Variants in C1QTNF5 observed in about 807,000 individuals in gnomAD.
The protein encoded by C1QTNF5 is C1q and TNF related 5, also known as complement C1q tumor necrosis factor-related protein 5.
C1QTNF5 carries 5 observed loss-of-function variants against 10.9 expected under a neutral mutation model. The ratio of observed to expected loss-of-function variants is 0.46; its 90% CI spans 0.24 to 0.97. The LOEUF (loss-of-function observed/expected upper bound fraction) is 0.97. Ranked by LOEUF, C1QTNF5 falls within the 50% of genes least tolerant of loss-of-function variation. The probability of loss-of-function intolerance (pLI) is 0.19; values close to 1 mark genes in which losing one functional copy is unlikely to be tolerated. For synonymous variants in C1QTNF5, 161 were observed against 156.5 expected (o/e 1.03, Z -0.22); for missense variants, 281 against 339.4 (o/e 0.83, Z 1.35).
At chr11:119,342,108 AGAG>A (rs1950508868), upstream of C1QTNF5, 9 of 1,176,358 alleles carry the variant, frequency 7.7e-6, no homozygotes, top group Admixed American at 1.8e-4. Flanking sequence ...TGAGGAAGCA[AGAG>A]GATAACAAAG....
upstream of C1QTNF5, chr11:119,345,661 G>A (rs753849316): frequency 1.2e-6 from 2 of 1,612,832 alleles, no homozygotes; most frequent in South Asian, 1.1e-5. Flanking sequence ...AGAGTTCAGA[G>A]GTCAAAAGGA....
At chr11:119,345,233 G>A (rs1422160283), upstream of C1QTNF5, among the ~76,000 whole-genome samples, 2 of 152,208 alleles carry the variant, frequency 1.3e-5, no homozygotes, top group African/African-American at 4.8e-5. Context: ...TTACAGACTA[G>A]GAAACAGGTG....
the C1QTNF5 span, chr11:119,346,250 G>T: frequency 6.3e-7 from 1 of 1,597,410 alleles, no homozygotes; most frequent in African/African-American, 1.3e-5. Context: ...TCCTCCCCCA[G>T]GTCACCCCCT....
chr11:119,340,248 A>G lies in C1QTNF5; in HGVS notation c.150T>C (p.Asp50=), dbSNP rs1950488203. The change falls in exon 2 of 3, where the codon GAT becomes GAC. Residue 50 remains aspartate, a synonymous_variant. Coordinates refer to ENST00000528368, the MANE Select transcript of C1QTNF5 (RefSeq NM_001278431.2). ...HHGSQGLPGR[D]GRDGRDGAPG... ...GCGCGCCGTCGCGGCCGTCGCGGCC[A>G]TCGCGGCCCGGCAAGCCCTGGCTGC... 15 of 1,514,924 alleles carry G rather than the reference A, an allele frequency of 9.9e-6. No individual in the cohort carries two copies. The highest frequency in any genetic ancestry group is 2.5e-5 in the South Asian group (2 of 80,498). The allele number at this position is 1,514,924 out of a possible 1,614,324, so 93.8% of individuals were successfully genotyped here. A position where few individuals can be genotyped will look rare whatever the true frequency, so the allele number is the denominator to read the frequency against.
At chr11:119,345,074 G>A (rs536735773), upstream of C1QTNF5, 34 of 1,553,384 alleles carry the variant, frequency 2.2e-5, no homozygotes, top group South Asian at 1.9e-4. Flanking sequence ...GCTTGCCTGG[G>A]CCTTGCAGTC....
chr11:119,341,682 G>T (rs1304173387), upstream of C1QTNF5: 1 of 1,613,110 alleles, frequency 6.2e-7, no homozygotes. Context: ...CGGCAAGGGG[G>T]CAGAACACTG....
At chr11:119,342,508 T>A (rs549339039), upstream of C1QTNF5, 1,249 of 1,536,410 alleles carry the variant, frequency 8.1e-4, 10 homozygotes, top group South Asian at 9.3e-3. Context: ...CTCAGGGAGG[T>A]TGGGATGGGA....
chr11:119,339,777 C>A lies in C1QTNF5; in HGVS notation c.286G>T (p.Gly96Trp). 6.5e-7 allele frequency: 1 copy of A among 1,541,466 alleles called. No individual in the cohort carries two copies. Among genetic ancestry groups the A allele is most frequent in the Non-Finnish European group, 8.7e-7 (1 of 1,150,826 alleles). ...GATCGCGGAGGCACCGAGCACTCCC[C>A]GGCAGGCCCGGTGGGCCCCGCGGGT... is the stretch of plus-strand genomic sequence containing the variant. ...AGPAGPTGPA[G>W]ECSVPPRSAF... Residue 96 changes from glycine (G) to tryptophan (W), a missense_variant, in exon 3 of 3, where the codon GGG becomes TGG. Transcript: ENST00000528368. The surrounding 1 kb of genome is among the most constrained non-coding windows in gnomAD (Gnocchi z 5.4).
At chr11:119,345,562 TG>T (rs587776596), upstream of C1QTNF5, 121 of 1,613,826 alleles carry the variant, frequency 7.5e-5, no homozygotes, top group Admixed American at 3.2e-4. Flanking sequence ...CAGTGGGTGT[TG>T]GGGGGGTAAG....
At chr11:119,341,164 C>G, upstream of C1QTNF5, 1 of 262,368 alleles carries the variant, frequency 3.8e-6, no homozygotes, top group Non-Finnish European at 7.5e-6. Context: ...AGTTGGATCC[C>G]TAGGGCCTAG....
upstream of C1QTNF5, chr11:119,341,576 G>A (rs778890127): frequency 6.2e-7 from 1 of 1,612,770 alleles, no homozygotes; most frequent in Non-Finnish European, 8.5e-7. Context: ...TTCCAGGTCA[G>A]CTGCCTCTGG....
At chr11:119,346,483 T>C in the C1QTNF5 span, 1 of 1,614,130 alleles carries the variant, frequency 6.2e-7, no homozygotes, top group Non-Finnish European at 8.5e-7. Flanking sequence ...GTTGCCTCCA[T>C]GCAGAGGATG....
upstream of C1QTNF5, chr11:119,343,945 G>A (rs753704456): frequency 6.2e-6 from 10 of 1,613,192 alleles, no homozygotes; most frequent in East Asian, 4.5e-5. Context: ...GGCAGGCACC[G>A]AGATATGCCA....
At chr11:119,345,628 C>T (rs548484182), upstream of C1QTNF5, 1 of 1,613,628 alleles carries the variant, frequency 6.2e-7, no homozygotes, top group African/African-American at 1.3e-5. Flanking sequence ...AGGAGGCCTC[C>T]ACAGGCTGCA....
chr11:119,341,249 T>G, upstream of C1QTNF5: 2 of 462,848 alleles, frequency 4.3e-6, no homozygotes, highest in Non-Finnish European at 3.9e-6. Context: ...AGGCAGGCGA[T>G]GGAGAAGCTG....
At chr11:119,343,247 A>G (rs1950521451), upstream of C1QTNF5, among the ~76,000 whole-genome samples, 1 of 152,260 alleles carries the variant, frequency 6.6e-6, no homozygotes, top group Non-Finnish European at 1.5e-5. Flanking sequence ...ATTGTGGCTC[A>G]CACCTGTAAT....
At chr11:119,342,647 A>G, upstream of C1QTNF5, 1 of 1,613,658 alleles carries the variant, frequency 6.2e-7, no homozygotes, top group Non-Finnish European at 8.5e-7. Flanking sequence ...CCATCGGTGC[A>G]GTCTCTCCAC....
At chr11:119,342,460 C>T, upstream of C1QTNF5, 1 of 1,159,076 alleles carries the variant, frequency 8.6e-7, no homozygotes, top group African/African-American at 1.5e-5. Flanking sequence ...GTGAAGTGGT[C>T]CCAGAGTCAG....
upstream of C1QTNF5, chr11:119,345,093 T>C (rs573555720): frequency 6.6e-6 from 10 of 1,514,404 alleles, no homozygotes; most frequent in East Asian, 1.2e-4. Flanking sequence ...TCCTATTTTC[T>C]CAACCCCCAA....
Sources: allele counts gnomAD v4.1 joint callset (sites outside exome capture counted in the v4.1 genomes callset), GRCh38; gene constraint gnomAD v4.1.1; non-coding constraint Gnocchi (gnomAD v3.1); transcripts MANE v1.5; gene names NCBI Gene and HGNC (gene_info 2026-07-23, HGNC 2026-07-21).